FAM178B: variants seen among roughly 807,000 people sequenced by gnomAD.
The protein encoded by FAM178B is protein FAM178B.
Under a neutral mutation model 91.7 loss-of-function variants are expected in FAM178B, and 82 were observed. That is an observed-to-expected ratio of 0.89 (90% CI 0.75 to 1.07). The LOEUF (loss-of-function observed/expected upper bound fraction) is 1.07. Ranked by LOEUF, FAM178B falls within the 50% of genes least tolerant of loss-of-function variation. The pLI is 0.00. For synonymous variants in FAM178B, 368 were observed against 359.4 expected, an observed-to-expected ratio of 1.02 and a Z score of -0.27; for missense variants, 769 against 846.7, an observed-to-expected ratio of 0.91 and a Z score of 1.14.
intron 13 of FAM178B, among the ~76,000 whole-genome samples, chr2:96,899,269 C>T (rs995501419): frequency 1.3e-5 from 2 of 152,254 alleles, no homozygotes; most frequent in African/African-American, 4.8e-5. Context: ...TCTTCTCTAG[C>T]AGCTGCCGCA....
intron 13 of FAM178B, chr2:96,894,934 G>T: frequency 1.8e-6 from 1 of 544,928 alleles, no homozygotes; most frequent in Non-Finnish European, 2.7e-6. Context: ...CCCACCCCCT[G>T]CACTGCCGCT....
intron 3 of FAM178B, among the ~76,000 whole-genome samples, chr2:96,971,183 C>T (rs1344286337): frequency 6.6e-6 from 1 of 151,738 alleles, no homozygotes; most frequent in African/African-American, 2.4e-5. Flanking sequence ...AAGAGCTTCT[C>T]TCCCCCTCCC....
At chr2:96,917,166 C>A (rs529271810) in intron 12 of FAM178B, among the ~76,000 whole-genome samples, 50 of 152,246 alleles carry the variant, frequency 3.3e-4, no homozygotes, top group African/African-American at 1.1e-3. Context: ...GGGGAAGAAG[C>A]GCATTTTCAA....
intron 13 of FAM178B, chr2:96,895,050 C>T (rs1253521756): frequency 1.6e-6 from 2 of 1,288,754 alleles, no homozygotes; most frequent in African/African-American, 1.5e-5. Flanking sequence ...AAGTCCCCAA[C>T]AGTCCATCAC....
intron 1 of FAM178B, among the ~76,000 whole-genome samples, chr2:96,981,255 C>T (rs557579955): frequency 5.9e-5 from 9 of 152,230 alleles, no homozygotes; most frequent in South Asian, 4.2e-4. Context: ...TGTGAGCCAC[C>T]GCGCCCAACT....
At chr2:96,947,960 G>T in intron 7 of FAM178B, 58 bp from the exon 8 acceptor site, 1 of 844,264 alleles carries the variant, frequency 1.2e-6, no homozygotes, top group Non-Finnish European at 1.9e-6. Context: ...TTCCTAAGAA[G>T]CAATAGTAGC....
Position 96,972,121 on chromosome 2 carries a change from A to C in FAM178B, c.344T>G (p.Val115Gly). The change falls in exon 3 of 17, where the codon GTG becomes GGG. Residue 115 changes from valine (V) to glycine (G), a missense_variant. Transcript: ENST00000490605. ...TFPTDWSPPPVEFLNPRVLQA... is the reference protein window; with the variant it reads ...TFPTDWSPPPGEFLNPRVLQA... ...CAGCACCCTCGGGTTGAGGAATTCCACGGGCGGGGGGCTCCAGTCAGTGGG... is the reference window on the plus strand; with the variant it reads ...CAGCACCCTCGGGTTGAGGAATTCCCCGGGCGGGGGGCTCCAGTCAGTGGG... 1 of 1,524,054 alleles carries C rather than the reference A, an allele frequency of 6.6e-7. No homozygotes were observed. The highest frequency in any genetic ancestry group is 8.8e-7 in the Non-Finnish European group (1 of 1,133,854). 94.4% of individuals were successfully genotyped at this position (1,524,054 alleles called of 1,614,324 possible).
At chr2:96,906,641 C>T (rs2081061425) in intron 12 of FAM178B, among the ~76,000 whole-genome samples, 1 of 152,224 alleles carries the variant, frequency 6.6e-6, no homozygotes, top group South Asian at 2.1e-4. Context: ...ACAGAAGCCC[C>T]TTATCCCCTC....
intron 12 of FAM178B, among the ~76,000 whole-genome samples, chr2:96,917,927 G>A (rs1461722167): frequency 6.6e-6 from 1 of 152,106 alleles, no homozygotes; most frequent in Non-Finnish European, 1.5e-5. Context: ...AAAAAATCAA[G>A]TTAGATCCTT....
chr2:96,897,799 A>G, intron 13 of FAM178B: 1 of 186,598 alleles, frequency 5.4e-6, no homozygotes. Context: ...AACGTTGTAT[A>G]AATCAGATTT....
At chr2:96,968,187 C>T (rs545275473) in intron 4 of FAM178B, among the ~76,000 whole-genome samples, 6 of 152,098 alleles carry the variant, frequency 3.9e-5, no homozygotes, top group South Asian at 2.1e-4. Context: ...ATCCCTGACA[C>T]GTGCATGGCC....
Position 96,910,314 on chromosome 2 carries a change from T to C in FAM178B, c.1563-7607A>G, listed in dbSNP as rs189732216. On this transcript the variant is annotated intron_variant, in intron 12 of 16. Transcript: ENST00000490605. The stretch of plus-strand genomic sequence containing the variant: ...CCAACTTCATGTCTCCCAGGAGCAG[T>C]GAGACGCCGTCCCACCGGGGAGACG... Among the ~76,000 whole-genome samples the C allele has an allele frequency of 6.6e-5, 10 of 152,196 alleles. No individual in the cohort carries two copies. The East Asian group carries it at 1.4e-3, about 21-fold the overall frequency.
intron 12 of FAM178B, among the ~76,000 whole-genome samples, chr2:96,913,350 C>T (rs1364675241): frequency 6.6e-6 from 1 of 152,178 alleles, no homozygotes; most frequent in Non-Finnish European, 1.5e-5. Flanking sequence ...GGACAAGGGA[C>T]ATGCATGTGG....
intron 14 of FAM178B, among the ~76,000 whole-genome samples, chr2:96,892,309 A>G (rs2080701805): frequency 6.6e-6 from 1 of 152,092 alleles, no homozygotes; most frequent in South Asian, 2.1e-4. Flanking sequence ...AGGGGAGCGC[A>G]GCAGAGGGGG....
intron 12 of FAM178B, among the ~76,000 whole-genome samples, chr2:96,904,434 T>A (rs2080991773): frequency 6.6e-6 from 1 of 152,088 alleles, no homozygotes; most frequent in Non-Finnish European, 1.5e-5. Context: ...TGCAATGGCA[T>A]GATCTCGGCT....
At chr2:96,877,453 C>A (rs1309613630) in intron 16 of FAM178B, among the ~76,000 whole-genome samples, 3 of 149,370 alleles carry the variant, frequency 2.0e-5, no homozygotes, top group South Asian at 2.1e-4. Flanking sequence ...CCCAGGCTGG[C>A]GTGCAATGGC....
chr2:96,895,391 C>T (rs1298979788), intron 13 of FAM178B, among the ~76,000 whole-genome samples: 3 of 152,244 alleles, frequency 2.0e-5, no homozygotes, highest in Non-Finnish European at 4.4e-5. Flanking sequence ...CTGACTATGG[C>T]ACCTAAGCTA....
chr2:96,982,668 A>C lies in FAM178B; in HGVS notation c.73+3573T>G, dbSNP rs189873860. Among the ~76,000 whole-genome samples, 304 of 151,280 alleles carry C rather than the reference A, an allele frequency of 2.0e-3. 1 individual carries two copies. The highest frequency in any genetic ancestry group is 0.014 in the South Asian group (68 of 4,784). On this transcript the variant is annotated intron_variant, in intron 1 of 16. Coordinates refer to ENST00000490605, the MANE Select transcript of FAM178B (RefSeq NM_001122646.3). ...TCTGCAACCTTGAACTCCTGGGCCC[A>C]AGCAACCCTCCTGCCTCAACCTCCT...
At chr2:96,927,167 C>T (rs757146713) in intron 9 of FAM178B, among the ~76,000 whole-genome samples, 6 of 152,316 alleles carry the variant, frequency 3.9e-5, no homozygotes, top group African/African-American at 4.8e-5. Flanking sequence ...CCGAATACTC[C>T]GGAGGGGTCA....
Sources: allele counts gnomAD v4.1 joint callset (sites outside exome capture counted in the v4.1 genomes callset), GRCh38; gene constraint gnomAD v4.1.1; transcripts MANE v1.5; gene names NCBI Gene and HGNC (gene_info 2026-07-23, HGNC 2026-07-21).